The following RBFOX1 variants were observed in gnomAD, a reference collection of about 807,000 sequenced individuals.
RBFOX1 encodes RNA binding protein fox-1 homolog 1.
In RBFOX1, 8 loss-of-function variants were observed where a neutral mutation model predicts 57.7. The observed-to-expected ratio is 0.14, with a 90% CI of 0.08 to 0.25. The LOEUF (loss-of-function observed/expected upper bound fraction) is 0.25, where lower values mean the gene tolerates loss of function less well. Among genes scored for constraint, RBFOX1 ranks in the 10% least tolerant of loss-of-function variants. RBFOX1 has a pLI of 1.00. For missense variants in RBFOX1, 611 were observed against 548.5 expected, an observed-to-expected ratio of 1.11 and a Z score of -1.14; for synonymous variants, 326 against 222.4, an observed-to-expected ratio of 1.47 and a Z score of -4.15.
chr16:7,624,627 G>T (rs1262231399), intron 10 of RBFOX1, among the ~76,000 whole-genome samples: 1 of 152,176 alleles, frequency 6.6e-6, no homozygotes, highest in Non-Finnish European at 1.5e-5. Context: ...TAGTTGCCTA[G>T]CTGAGCACTA....
chr16:7,480,599 A>G (rs17143781), intron 4 of RBFOX1, among the ~76,000 whole-genome samples: 18,965 of 152,162 alleles, frequency 0.12, 1,222 homozygotes, highest in African/African-American at 0.15. Flanking sequence ...GCGTGGACTC[A>G]TTTTCATCTG....
At chr16:6,578,598 C>CGTGTGTGT (rs57470848) in intron 2 of RBFOX1, among the ~76,000 whole-genome samples, 1 of 110,666 alleles carries the variant, frequency 9.0e-6, no homozygotes, top group Admixed American at 1.0e-4. Context: ...GGTGTGTGTG[C>CGTGTGTGT]GTGTGTGTGT....
chr16:6,708,723 C>T (rs1219246254), intron 3 of RBFOX1, among the ~76,000 whole-genome samples: 1 of 152,180 alleles, frequency 6.6e-6, no homozygotes, highest in Non-Finnish European at 1.5e-5. Flanking sequence ...TCCCTTCTTG[C>T]CCTAGCCCAT....
intron 4 of RBFOX1, among the ~76,000 whole-genome samples, chr16:7,479,671 C>G (rs2063481832): frequency 6.6e-6 from 1 of 152,098 alleles, no homozygotes; most frequent in South Asian, 2.1e-4. Context: ...CAAGTCTAGC[C>G]CCTCTTGGGG....
intron 2 of RBFOX1, among the ~76,000 whole-genome samples, chr16:5,485,655 A>T (rs1051612398): frequency 6.6e-6 from 1 of 152,222 alleles, no homozygotes; most frequent in African/African-American, 2.4e-5. Context: ...CAGCAAGGTT[A>T]ATAACTTGTC....
At chr16:6,731,021 G>A (rs1304441121) in intron 3 of RBFOX1, among the ~76,000 whole-genome samples, 3 of 152,154 alleles carry the variant, frequency 2.0e-5, no homozygotes, top group Non-Finnish European at 4.4e-5. Context: ...CAAAAGAGAG[G>A]TTATGTTTGC....
intron 4 of RBFOX1, among the ~76,000 whole-genome samples, chr16:7,197,458 A>AC (rs1187262128): frequency 5.9e-5 from 9 of 151,934 alleles, no homozygotes; most frequent in African/African-American, 2.2e-4. Context: ...AAAAAAAAAA[A>AC]AAAACATCAA....
At chr16:5,788,892 G>C (rs961824750) in intron 3 of RBFOX1, among the ~76,000 whole-genome samples, 1 of 152,104 alleles carries the variant, frequency 6.6e-6, no homozygotes, top group Non-Finnish European at 1.5e-5. Context: ...CCCCCATCCT[G>C]TTGCACCCCA....
chr16:5,971,519 T>A (rs1245243795), intron 4 of RBFOX1, among the ~76,000 whole-genome samples: 1 of 152,182 alleles, frequency 6.6e-6, no homozygotes, highest in African/African-American at 2.4e-5. Context: ...ACAGACTCAT[T>A]GTGTTTAAGG....
intron 3 of RBFOX1, among the ~76,000 whole-genome samples, chr16:6,933,094 A>G (rs780755755): frequency 3.3e-4 from 51 of 152,318 alleles, no homozygotes; most frequent in Admixed American, 7.2e-4. Flanking sequence ...CTAAGGATGA[A>G]TTACATTCCA....
At chr16:6,523,153 G>C (rs1203435266) in intron 2 of RBFOX1, among the ~76,000 whole-genome samples, 1 of 152,138 alleles carries the variant, frequency 6.6e-6, no homozygotes, top group African/African-American at 2.4e-5. Flanking sequence ...TAGGTAGCAT[G>C]GGGTGACTGT....
chr16:5,927,088 T>C (rs964821540), intron 4 of RBFOX1, among the ~76,000 whole-genome samples: 3 of 152,230 alleles, frequency 2.0e-5, no homozygotes, highest in Non-Finnish European at 4.4e-5. Context: ...CCTAGCTCTG[T>C]GATTCATTTA....
intron 4 of RBFOX1, among the ~76,000 whole-genome samples, chr16:7,083,061 A>G (rs117527924): frequency 0.011 from 1,629 of 152,258 alleles, 15 homozygotes; most frequent in Non-Finnish European, 0.016. Context: ...TTTGGGAGTG[A>G]CAATAAATAG....
intron 3 of RBFOX1, among the ~76,000 whole-genome samples, chr16:6,787,213 G>T (rs1370869130): frequency 6.6e-6 from 1 of 152,158 alleles, no homozygotes; most frequent in Non-Finnish European, 1.5e-5. Flanking sequence ...ACAGAAATAA[G>T]CTGGATAAAG....
chr16:5,365,281 C>A (rs923440006), intron 1 of RBFOX1, among the ~76,000 whole-genome samples: 2 of 148,336 alleles, frequency 1.3e-5, no homozygotes, highest in Non-Finnish European at 3.0e-5. Context: ...AGTGTAGATT[C>A]TCTTGAAAAA....
intron 4 of RBFOX1, among the ~76,000 whole-genome samples, chr16:7,380,936 A>G (rs1276646521): frequency 1.3e-5 from 2 of 152,210 alleles, no homozygotes; most frequent in African/African-American, 2.4e-5. Flanking sequence ...GAAAATGGAG[A>G]GAAAGAACAG....
In RBFOX1 at chr16:7,641,137, C is replaced by A. The variant is rs182417684; in HGVS notation, c.757+10454C>A. Among the ~76,000 whole-genome samples, 374 of 152,284 alleles carry A rather than the reference C, an allele frequency of 2.5e-3. 2 individuals are homozygous for A. Among genetic ancestry groups the A allele is most frequent in the Admixed American group, 7.6e-3 (117 of 15,300 alleles). ...GGGAGAGGCTGAATCCAAGGGCACTCATAATTCAAGAGCTGGAGCAATCAT... is the reference window on the plus strand; with the variant it reads ...GGGAGAGGCTGAATCCAAGGGCACTAATAATTCAAGAGCTGGAGCAATCAT... On this transcript the variant is annotated intron_variant, in intron 11 of 15. Coordinates refer to ENST00000550418, the MANE Select transcript of RBFOX1 (RefSeq NM_018723.4).
intron 2 of RBFOX1, among the ~76,000 whole-genome samples, chr16:6,550,209 A>C (rs2096964991): frequency 6.6e-6 from 1 of 151,484 alleles, no homozygotes; most frequent in Non-Finnish European, 1.5e-5. Context: ...ACAGAGTCTT[A>C]CTCTGTCGCC....
intron 2 of RBFOX1, among the ~76,000 whole-genome samples, chr16:6,653,936 T>G (rs938729468): frequency 7.0e-6 from 1 of 143,282 alleles, no homozygotes; most frequent in African/African-American, 2.6e-5. Flanking sequence ...AGATGATTGA[T>G]GGATAGAGGG....
Sources: gnomAD v4.1 joint callset for allele counts (sites outside exome capture counted in the v4.1 genomes callset) on GRCh38, gnomAD v4.1.1 for gene constraint, MANE v1.5 for transcripts, NCBI Gene and HGNC (gene_info 2026-07-23, HGNC 2026-07-21) for gene names.